Variants in PTPRD observed in about 807,000 individuals in gnomAD.
PTPRD encodes protein tyrosine phosphatase receptor type D.
A neutral mutation model predicts 214.5 loss-of-function variants in PTPRD; 34 were observed. That is an observed-to-expected ratio of 0.16 (90% CI 0.12 to 0.21). PTPRD has a LOEUF of 0.21. PTPRD is among the 10% of genes least tolerant of loss of function. The pLI is 1.00. For missense variants in PTPRD, 2,545 were observed against 2,398.7 expected (o/e 1.06, Z -1.27); for synonymous variants, 1,128 against 845.7 (o/e 1.33, Z -5.79).
intron 3 of PTPRD, among the ~76,000 whole-genome samples, chr9:10,241,639 C>G (rs1354834303): frequency 1.3e-5 from 2 of 151,924 alleles, no homozygotes; most frequent in Non-Finnish European, 2.9e-5. Flanking sequence ...TTAAGTGCAA[C>G]TACTTTACAG....
At chr9:8,416,603 G>A (rs968741996) in intron 35 of PTPRD, among the ~76,000 whole-genome samples, 2 of 152,110 alleles carry the variant, frequency 1.3e-5, no homozygotes, top group African/African-American at 4.8e-5. Flanking sequence ...TTTTCAGCTG[G>A]CTTTTGGGGT....
At chr9:10,310,785 G>A (rs571509406) in intron 3 of PTPRD, among the ~76,000 whole-genome samples, 1 of 152,068 alleles carries the variant, frequency 6.6e-6, no homozygotes, top group Non-Finnish European at 1.5e-5. Context: ...ACAGACAGCT[G>A]TAGTGAAATT....
At chr9:8,376,210 C>T in intron 38 of PTPRD, 120 bp from the exon 39 acceptor site, 2 of 1,167,198 alleles carry the variant, frequency 1.7e-6, no homozygotes, top group Non-Finnish European at 2.4e-6. Context: ...CACCCTGTAG[C>T]CTTTGGGAAG....
chr9:10,351,722 GA>G (rs376344149), intron 2 of PTPRD, among the ~76,000 whole-genome samples: 45 of 144,928 alleles, frequency 3.1e-4, no homozygotes, highest in Middle Eastern at 3.5e-3. Flanking sequence ...ATTTGCACTA[GA>G]AAAAAAAATG....
At chr9:9,963,203 C>G (rs370657979) in intron 4 of PTPRD, among the ~76,000 whole-genome samples, 1 of 151,842 alleles carries the variant, frequency 6.6e-6, no homozygotes, top group African/African-American at 2.4e-5. Context: ...TTAAAAAATC[C>G]TTGTCAAATT....
chr9:9,758,989 G>A (rs10977953), intron 6 of PTPRD, among the ~76,000 whole-genome samples: 5,785 of 152,240 alleles, frequency 0.038, 543 homozygotes, highest in East Asian at 0.38. Flanking sequence ...AAGGAATGCT[G>A]TCAGAGAATG....
At chr9:9,649,934 A>G (rs1420155768) in intron 7 of PTPRD, among the ~76,000 whole-genome samples, 1 of 152,242 alleles carries the variant, frequency 6.6e-6, no homozygotes, top group African/African-American at 2.4e-5. Flanking sequence ...GTGATAGTAT[A>G]CTGTGCTAGC....
chr9:9,595,767 A>G (rs1024507858), intron 7 of PTPRD, among the ~76,000 whole-genome samples: 2 of 151,830 alleles, frequency 1.3e-5, no homozygotes, highest in African/African-American at 4.8e-5. Context: ...CATAAGAATG[A>G]TACAATGGAC....
At chr9:9,306,065 AAG>A (rs1239860551) in intron 9 of PTPRD, among the ~76,000 whole-genome samples, 1 of 152,200 alleles carries the variant, frequency 6.6e-6, no homozygotes, top group Non-Finnish European at 1.5e-5. Context: ...AGAGTACAAT[AAG>A]AGAACATCAG....
Position 10,120,052 on chromosome 9 carries a change from G to C in PTPRD, c.-544-86262C>G, listed in dbSNP as rs577518415. Among the ~76,000 whole-genome samples, 18 of 152,074 alleles carry C rather than the reference G, an allele frequency of 1.2e-4. No individual in the cohort carries two copies. In the South Asian group the frequency reaches 3.5e-3, roughly 30 times the overall value. On this transcript the variant is annotated intron_variant, in intron 3 of 45. Transcript: ENST00000381196. ...GCTTTATGTAGCATGAAAGGTAATG[G>C]CAATCTGCAATAAGCCACCCAGTGT...
At chr9:9,317,931 G>T (rs1964192121) in intron 9 of PTPRD, among the ~76,000 whole-genome samples, 1 of 152,088 alleles carries the variant, frequency 6.6e-6, no homozygotes, top group African/African-American at 2.4e-5. Context: ...CAGCACTTTG[G>T]AAGGCCAAGA....
At chr9:8,324,296 T>C (rs887948105) in intron 44 of PTPRD, among the ~76,000 whole-genome samples, 1 of 152,098 alleles carries the variant, frequency 6.6e-6, no homozygotes, top group African/African-American at 2.4e-5. Flanking sequence ...TTCGCTTCCC[T>C]GCGTCCACGT....
intron 12 of PTPRD, among the ~76,000 whole-genome samples, chr9:8,708,378 A>G (rs2098253649): frequency 6.6e-6 from 1 of 152,058 alleles, no homozygotes; most frequent in African/African-American, 2.4e-5. Flanking sequence ...TTAAATATGA[A>G]AAATGAAGCT....
At chr9:9,703,254 C>A (rs1046856514) in intron 7 of PTPRD, among the ~76,000 whole-genome samples, 1 of 152,162 alleles carries the variant, frequency 6.6e-6, no homozygotes, top group African/African-American at 2.4e-5. Context: ...TTTCCAGAGG[C>A]CTTCCTAGCC....
intron 6 of PTPRD, among the ~76,000 whole-genome samples, chr9:9,748,322 G>T (rs558739976): frequency 2.0e-5 from 3 of 152,130 alleles, no homozygotes; most frequent in Non-Finnish European, 2.9e-5. Flanking sequence ...CACCAGAATT[G>T]TTCTTAATAA....
Position 8,331,582 on chromosome 9 carries a change from C to CATTCT in PTPRD, c.5533_5534insAGAAT (p.Ser1845LysfsTer13). ...GCTTTATTCACAAATGGAAACTTAC[C>CATTCT]TGCAATGGACTGAAATGGGTCCATC... On this transcript the variant is annotated frameshift_variant and splice_region_variant, in exon 44 of 46. Coordinates refer to ENST00000381196, the MANE Select transcript of PTPRD (RefSeq NM_002839.4). LOFTEE classifies it high-confidence loss of function. 1 of 1,607,620 alleles carries CATTCT rather than the reference C, an allele frequency of 6.2e-7. No individual in the cohort carries two copies.
At chr9:9,552,173 G>A (rs1043664896) in intron 8 of PTPRD, among the ~76,000 whole-genome samples, 7 of 151,964 alleles carry the variant, frequency 4.6e-5, no homozygotes, top group Non-Finnish European at 8.8e-5. Flanking sequence ...GCTCAGAGAG[G>A]TAAATTGATT....
chr9:9,705,934 G>C (rs2097593383), intron 7 of PTPRD, among the ~76,000 whole-genome samples: 1 of 152,116 alleles, frequency 6.6e-6, no homozygotes. Flanking sequence ...AGGCATCAAA[G>C]TGCAATAGAC....
rs139835114 is a variant in PTPRD, at chr9:9,156,071, G to A, written c.-143+27233C>T. Among the ~76,000 whole-genome samples the A allele has an allele frequency of 1.3e-4, 20 of 152,104 alleles. No individual in the cohort carries two copies. In the East Asian group the frequency reaches 3.9e-3, roughly 29 times the overall value. On this transcript the variant is annotated intron_variant, in intron 10 of 45. Coordinates refer to ENST00000381196, the MANE Select transcript of PTPRD (RefSeq NM_002839.4). ...GCCTTAGACCTCTGTTTCAGAGCAGGGCAATATTTATTCACAGTTCTTGTT... is the reference window on the plus strand; with the variant it reads ...GCCTTAGACCTCTGTTTCAGAGCAGAGCAATATTTATTCACAGTTCTTGTT...
Sources: allele counts gnomAD v4.1 joint callset (sites outside exome capture counted in the v4.1 genomes callset), GRCh38; gene constraint gnomAD v4.1.1; transcripts MANE v1.5; gene names NCBI Gene and HGNC (gene_info 2026-07-23, HGNC 2026-07-21).